Variants in RALGPS1 observed in about 807,000 individuals in gnomAD.
RALGPS1 encodes the protein ras-specific guanine nucleotide-releasing factor RalGPS1.
Under a neutral mutation model 78.8 loss-of-function variants are expected in RALGPS1, and 19 were observed. The observed-to-expected ratio is 0.24, with a 90% confidence interval of 0.17 to 0.35. The LOEUF (loss-of-function observed/expected upper bound fraction) is 0.35. RALGPS1 is among the 10% of genes least tolerant of loss of function. The pLI is 1.00. For missense variants in RALGPS1, 454 were observed against 688.3 expected (o/e 0.66, Z 3.81); for synonymous variants, 228 against 256.3 (o/e 0.89, Z 1.06).
chr9:127,130,394 T>C (rs1397838975), intron 8 of RALGPS1, among the ~76,000 whole-genome samples: 1 of 152,196 alleles, frequency 6.6e-6, no homozygotes, highest in Non-Finnish European at 1.5e-5. Flanking sequence ...TACACTTGGG[T>C]CCTCTGAAGG....
intron 1 of RALGPS1, among the ~76,000 whole-genome samples, chr9:126,933,392 G>A (rs2035977631): frequency 6.6e-6 from 1 of 152,224 alleles, no homozygotes; most frequent in Non-Finnish European, 1.5e-5. Flanking sequence ...CTGAGTGGGT[G>A]AGTGTCTGAC....
chr9:126,947,413 A>G (rs1249716683), intron 1 of RALGPS1, among the ~76,000 whole-genome samples: 2 of 152,332 alleles, frequency 1.3e-5, no homozygotes, highest in Non-Finnish European at 2.9e-5. Context: ...TGCTCATTGG[A>G]GCATTTTGGA....
At chr9:127,018,074 C>T (rs915101851) in intron 4 of RALGPS1, among the ~76,000 whole-genome samples, 2 of 151,830 alleles carry the variant, frequency 1.3e-5, no homozygotes, top group Non-Finnish European at 2.9e-5. Flanking sequence ...AAAACTTAGC[C>T]GGGCATGTTG....
chr9:126,957,925 G>T (rs2038489952), intron 1 of RALGPS1, among the ~76,000 whole-genome samples: 1 of 151,696 alleles, frequency 6.6e-6, no homozygotes. Context: ...GATCGCTTGA[G>T]CCCAGCCTCA....
At chr9:127,215,851 C>G (rs2062548323) in intron 18 of RALGPS1, among the ~76,000 whole-genome samples, 1 of 152,200 alleles carries the variant, frequency 6.6e-6, no homozygotes, top group African/African-American at 2.4e-5. Flanking sequence ...CAGGGATCAG[C>G]CAGAGGAGGA....
intron 4 of RALGPS1, among the ~76,000 whole-genome samples, chr9:126,996,139 A>G (rs2042728088): frequency 6.6e-6 from 1 of 152,220 alleles, no homozygotes; most frequent in Admixed American, 6.5e-5. Flanking sequence ...AGCAAGAGCA[A>G]ACACATTCAA....
rs138219987 is a variant in RALGPS1, at chr9:127,102,070, G to A, written c.610+32714G>A. Among the ~76,000 whole-genome samples, 150 of 152,236 alleles carry A rather than the reference G, an allele frequency of 9.9e-4. 1 individual carries two copies. In the East Asian group the frequency reaches 0.014, roughly 14 times the overall value. On this transcript the variant is annotated intron_variant, in intron 8 of 18. Transcript: ENST00000259351. ...TTGAGGCAGTGGTGATGCGGGGATA[G>A]TAGGAAAGATCATCTCCAGTGTTCC...
chr9:126,925,207 C>G (rs1452131999), intron 1 of RALGPS1, among the ~76,000 whole-genome samples: 1 of 151,904 alleles, frequency 6.6e-6, no homozygotes, highest in South Asian at 2.1e-4. Flanking sequence ...AGCTTACAGT[C>G]TAGTAGCAAG....
At position 127,183,944 on chromosome 9, in the gene RALGPS1, G is replaced by T. The variant is rs763384622; in HGVS notation, c.910+9162G>T. The T allele has an allele frequency of 1.5e-5, 24 of 1,550,464 alleles. No homozygotes were observed. The Middle Eastern group carries it at 1.0e-3, about 65-fold the overall frequency. ...CAAACCCACCTCTGGCCAACACCCT[G>T]CCTGGATGTGGCCCAGCTCCTCACG... On this transcript the variant is annotated intron_variant, in intron 11 of 18. Transcript: ENST00000259351. The surrounding 1 kb of genome is among the most constrained non-coding windows in gnomAD (Gnocchi z 4.0).
At chr9:127,072,071 A>G (rs972602182) in intron 8 of RALGPS1, among the ~76,000 whole-genome samples, 24 of 152,306 alleles carry the variant, frequency 1.6e-4, no homozygotes, top group South Asian at 4.1e-4. Context: ...TATAAATCCA[A>G]TCATACAATA....
intron 4 of RALGPS1, among the ~76,000 whole-genome samples, chr9:127,011,953 G>C (rs1051449340): frequency 1.3e-5 from 2 of 152,170 alleles, no homozygotes; most frequent in Non-Finnish European, 2.9e-5. Context: ...CACCAGACAT[G>C]CTCCGAAATT....
intron 1 of RALGPS1, among the ~76,000 whole-genome samples, chr9:126,952,936 T>A (rs180830396): frequency 7.7e-4 from 118 of 152,322 alleles, no homozygotes; most frequent in Non-Finnish European, 1.3e-3. Flanking sequence ...TGGGATCCAT[T>A]TTCATACTTG....
intron 2 of RALGPS1, among the ~76,000 whole-genome samples, chr9:126,964,679 T>C (rs535110347): frequency 6.6e-6 from 1 of 152,296 alleles, no homozygotes; most frequent in African/African-American, 2.4e-5. Flanking sequence ...GAGTTTTTGG[T>C]ATAGTAGACT....
chr9:126,936,567 G>A (rs943283456), intron 1 of RALGPS1, among the ~76,000 whole-genome samples: 14 of 152,010 alleles, frequency 9.2e-5, no homozygotes, highest in Admixed American at 6.6e-5. Flanking sequence ...GAATTAGGCT[G>A]TCTTTGGGCT....
At chr9:126,975,132 A>G (rs2040482237) in intron 3 of RALGPS1, among the ~76,000 whole-genome samples, 1 of 152,160 alleles carries the variant, frequency 6.6e-6, no homozygotes, top group South Asian at 2.1e-4. Context: ...CTTGCTCTAG[A>G]TACTGTATCT....
chr9:126,983,174 T>C (rs2132915416), intron 4 of RALGPS1, among the ~76,000 whole-genome samples: 1 of 152,088 alleles, frequency 6.6e-6, no homozygotes, highest in East Asian at 1.9e-4. Flanking sequence ...TGACCTCAGG[T>C]GATCTGCCCG....
chr9:127,217,741 G>A (rs1008668557), intron 18 of RALGPS1: 1 of 152,170 alleles, frequency 6.6e-6, no homozygotes, highest in African/African-American at 2.4e-5. Flanking sequence ...TGCAGGTCAC[G>A]TACTTGATTC....
intron 8 of RALGPS1, among the ~76,000 whole-genome samples, chr9:127,132,369 A>C (rs1279957841): frequency 1.3e-5 from 2 of 152,220 alleles, no homozygotes; most frequent in Non-Finnish European, 2.9e-5. Context: ...TCTTGCAGAA[A>C]TTACTTCTGT....
chr9:127,063,129 C>T (rs1447965812), intron 7 of RALGPS1, among the ~76,000 whole-genome samples: 1 of 152,206 alleles, frequency 6.6e-6, no homozygotes, highest in East Asian at 1.9e-4. Flanking sequence ...GGGAACAAGA[C>T]ACCAAAGTCC....
Sources: gnomAD v4.1 joint callset for allele counts (sites outside exome capture counted in the v4.1 genomes callset) on GRCh38, gnomAD v4.1.1 for gene constraint, Gnocchi (gnomAD v3.1) non-coding constraint, MANE v1.5 for transcripts, NCBI Gene and HGNC (gene_info 2026-07-23, HGNC 2026-07-21) for gene names.